The following NDST3 variants were observed in gnomAD, a reference collection of about 807,000 sequenced individuals.
NDST3 encodes the protein bifunctional heparan sulfate N-deacetylase/N-sulfotransferase 3.
A neutral mutation model predicts 96.1 loss-of-function variants in NDST3; 58 were observed. The ratio of observed to expected loss-of-function variants is 0.60; its 90% CI spans 0.49 to 0.75. The LOEUF (loss-of-function observed/expected upper bound fraction) is 0.75, where lower values mean the gene tolerates loss of function less well. NDST3 is among the 30% of genes least tolerant of loss of function. NDST3 has a pLI of 0.00. For missense variants in NDST3, 788 were observed against 1,034.2 expected, an observed-to-expected ratio of 0.76 and a Z score of 3.27; for synonymous variants, 333 against 359.7, an observed-to-expected ratio of 0.93 and a Z score of 0.84.
Position 118,242,120 on chromosome 4 carries a change from G to A in NDST3, c.2370G>A (p.Leu790=). 6.2e-7 allele frequency: 1 copy of A among 1,609,060 alleles called. No homozygotes were observed. The highest frequency in any genetic ancestry group is 8.5e-7 in the Non-Finnish European group (1 of 1,175,940). Residue 790 remains leucine, a synonymous_variant, in exon 12 of 14, where the codon TTG becomes TTA. Coordinates refer to ENST00000296499, the MANE Select transcript of NDST3 (RefSeq NM_004784.3). Reference sequence around the variant, plus strand: ...AAGTACAGAAGTTTCTAGGAGTCTTGCCTCATTATAATTACTCAGAAGCTT... The same window carrying A: ...AAGTACAGAAGTTTCTAGGAGTCTTACCTCATTATAATTACTCAGAAGCTT... The part of the protein sequence containing the change: ...MDEVQKFLGV[L]PHYNYSEALT...
chr4:118,195,067 G>A (rs1332671959), intron 6 of NDST3, among the ~76,000 whole-genome samples: 1 of 152,152 alleles, frequency 6.6e-6, no homozygotes, highest in Non-Finnish European at 1.5e-5. Context: ...GAAAGGGACT[G>A]CAATGAATAT....
At chr4:118,200,730 A>G (rs1281788734) in intron 6 of NDST3, among the ~76,000 whole-genome samples, 1 of 152,222 alleles carries the variant, frequency 6.6e-6, no homozygotes, top group African/African-American at 2.4e-5. Flanking sequence ...AAGCTTCTGC[A>G]TATCAGTAGG....
chr4:118,075,244 T>C (rs778209900), intron 2 of NDST3, among the ~76,000 whole-genome samples: 3 of 152,122 alleles, frequency 2.0e-5, no homozygotes, highest in South Asian at 2.1e-4. Flanking sequence ...TTATTTTTTA[T>C]GGCATAGTAT....
At chr4:118,058,589 G>A (rs1281095467) in intron 2 of NDST3, among the ~76,000 whole-genome samples, 1 of 145,622 alleles carries the variant, frequency 6.9e-6, no homozygotes, top group East Asian at 2.0e-4. Flanking sequence ...ATTGAAGTCA[G>A]GAAAAGTGTG....
At chr4:118,176,475 T>C (rs529082844) in intron 6 of NDST3, among the ~76,000 whole-genome samples, 2 of 152,244 alleles carry the variant, frequency 1.3e-5, no homozygotes, top group South Asian at 4.1e-4. Context: ...GCTCATTAAA[T>C]TGTTCTTCTC....
chr4:118,115,710 C>T (rs1338671598), intron 4 of NDST3, among the ~76,000 whole-genome samples: 15 of 151,910 alleles, frequency 9.9e-5, no homozygotes. Context: ...GAGAGAGTAC[C>T]GAGGTACACT....
At chr4:118,179,359 T>A (rs1203842358) in intron 6 of NDST3, among the ~76,000 whole-genome samples, 1 of 152,076 alleles carries the variant, frequency 6.6e-6, no homozygotes, top group African/African-American at 2.4e-5. Flanking sequence ...TTCCTATAAA[T>A]CAGATATGAA....
chr4:118,147,697 T>C (rs764644130), intron 6 of NDST3, among the ~76,000 whole-genome samples: 7 of 152,218 alleles, frequency 4.6e-5, no homozygotes, highest in African/African-American at 7.2e-5. Flanking sequence ...CTTAGGAAGA[T>C]GCAGTAATAG....
rs1024294336 is a variant in NDST3 at position 118,175,618 on chromosome 4, G to A, written c.1539+31934G>A. ...AATTACACCTACCCTCTCTTATCTC[G>A]CACACTGGGAGGCACACGCCATGGG... On this transcript the variant is annotated intron_variant, in intron 6 of 13. Transcript: ENST00000296499. Among the ~76,000 whole-genome samples, 7 of 151,890 alleles carry A rather than the reference G, an allele frequency of 4.6e-5. No individual in the cohort carries two copies. The East Asian group carries it at 5.8e-4, about 13-fold the overall frequency.
chr4:118,191,040 C>T (rs1737269411), intron 6 of NDST3, among the ~76,000 whole-genome samples: 1 of 152,164 alleles, frequency 6.6e-6, no homozygotes, highest in African/African-American at 2.4e-5. Flanking sequence ...CCCCATTCAG[C>T]CTATCAATCT....
intron 8 of NDST3, among the ~76,000 whole-genome samples, chr4:118,232,185 C>T (rs1367005269): frequency 2.0e-5 from 3 of 152,008 alleles, no homozygotes; most frequent in Non-Finnish European, 4.4e-5. Flanking sequence ...AATATGAGAA[C>T]CCAAGTATTG....
intron 4 of NDST3, among the ~76,000 whole-genome samples, chr4:118,116,782 C>T (rs1184552566): frequency 6.6e-6 from 1 of 151,798 alleles, no homozygotes; most frequent in Non-Finnish European, 1.5e-5. Flanking sequence ...GGTATGAACC[C>T]AGGAGGTGGA....
At chr4:118,065,788 T>C (rs1726267017) in intron 2 of NDST3, among the ~76,000 whole-genome samples, 1 of 151,770 alleles carries the variant, frequency 6.6e-6, no homozygotes, top group South Asian at 2.1e-4. Context: ...TGGTGTTTTA[T>C]CTGTTCATCC....
intron 6 of NDST3, among the ~76,000 whole-genome samples, chr4:118,150,573 G>A (rs561330098): frequency 0.025 from 3,826 of 150,196 alleles, 142 homozygotes; most frequent in African/African-American, 0.086. Flanking sequence ...AAAAGTGGGC[G>A]AAGGACATGA....
At chr4:118,159,282 C>T (rs887704530) in intron 6 of NDST3, among the ~76,000 whole-genome samples, 17 of 152,124 alleles carry the variant, frequency 1.1e-4, no homozygotes, top group African/African-American at 4.1e-4. Context: ...CTTATAGCAG[C>T]TCCAGAGAAC....
chr4:118,092,150 T>G (rs1383704604), intron 2 of NDST3, among the ~76,000 whole-genome samples: 2 of 151,410 alleles, frequency 1.3e-5, no homozygotes, highest in African/African-American at 2.4e-5. Flanking sequence ...GCCATGTTGG[T>G]GTGCTGCACC....
At chr4:118,250,271 G>T (rs1578874866) in intron 12 of NDST3, among the ~76,000 whole-genome samples, 1 of 152,308 alleles carries the variant, frequency 6.6e-6, no homozygotes, top group East Asian at 1.9e-4. Flanking sequence ...ACTTTACAAA[G>T]AGGCTGTAAT....
At chr4:118,066,158 AT>A (rs1726340668) in intron 2 of NDST3, among the ~76,000 whole-genome samples, 1 of 32,762 alleles carries the variant, frequency 3.1e-5, no homozygotes. Context: ...TATTATATAT[AT>A]TATATATTAT....
intron 6 of NDST3, among the ~76,000 whole-genome samples, chr4:118,194,995 A>G (rs1029132559): frequency 6.6e-6 from 1 of 152,138 alleles, no homozygotes. Flanking sequence ...TTGTTGTACC[A>G]TGTAAATTTT....
Sources: allele counts gnomAD v4.1 joint callset (sites outside exome capture counted in the v4.1 genomes callset), GRCh38; gene constraint gnomAD v4.1.1; transcripts MANE v1.5; gene names NCBI Gene and HGNC (gene_info 2026-07-23, HGNC 2026-07-21).